RLF: variants seen among roughly 807,000 people sequenced by gnomAD.
RLF encodes the protein zinc finger protein Rlf.
Under a neutral mutation model 162.9 loss-of-function variants are expected in RLF, and 7 were observed. The observed-to-expected ratio is 0.04, with a 90% confidence interval of 0.02 to 0.08. The LOEUF (loss-of-function observed/expected upper bound fraction) is 0.08, where lower values mean the gene tolerates loss of function less well. RLF is among the 10% of genes least tolerant of loss of function. The pLI is 1.00. For synonymous variants in RLF, 782 were observed against 791.5 expected, an observed-to-expected ratio of 0.99 and a Z score of 0.20; for missense variants, 1,664 against 2,244.7, an observed-to-expected ratio of 0.74 and a Z score of 5.23.
intron 1 of RLF, among the ~76,000 whole-genome samples, chr1:40,182,152 C>T (rs569996353): frequency 2.0e-4 from 31 of 152,076 alleles, no homozygotes; most frequent in African/African-American, 7.0e-4. Context: ...AACCCTCAAG[C>T]GGCCGGCATG....
At chr1:40,174,949 C>T (rs1642299525) in intron 1 of RLF, among the ~76,000 whole-genome samples, 1 of 152,138 alleles carries the variant, frequency 6.6e-6, no homozygotes, top group South Asian at 2.1e-4. Context: ...CCTGTAATCC[C>T]AGTGCTTTGG....
chr1:40,239,972 G>C lies in RLF; in HGVS notation c.5270G>C (p.Arg1757Pro), dbSNP rs746223682. 8 of 1,613,490 alleles carry C rather than the reference G, an allele frequency of 5.0e-6. No individual in the cohort carries two copies. Among genetic ancestry groups the C allele is most frequent in the Non-Finnish European group, 6.8e-6 (8 of 1,179,980 alleles). ...KENFRKHSQPRSFDLKTYKPM... is the reference protein window; with the variant it reads ...KENFRKHSQPPSFDLKTYKPM... ...AATTTTAGGAAACATTCACAGCCCC[G>C]GTCATTTGATTTGAAGACTTACAAA... The change falls in exon 8 of 8, where the codon CGG becomes CCG. Residue 1757 changes from arginine (R) to proline (P), a missense_variant. Arg to Pro is a moderately radical substitution (Grantham distance 103). Around this residue, in one of 15 missense-constraint regions of RLF, gnomAD observed 327 missense variants for 342.7 expected, o/e 0.95. Coordinates refer to ENST00000372771, the MANE Select transcript of RLF (RefSeq NM_012421.4).
Position 40,195,753 on chromosome 1 carries a change from A to C in RLF, c.596A>C (p.Glu199Ala), listed in dbSNP as rs1011206426. 1.9e-6 allele frequency: 3 copies of C among 1,613,686 alleles called. No homozygotes were observed. The highest frequency in any genetic ancestry group is 2.5e-6 in the Non-Finnish European group (3 of 1,179,818). Residue 199 changes from glutamate (E) to alanine (A), a missense_variant, in exon 4 of 8, where the codon GAA (glutamate) becomes GCA (alanine). Transcript: ENST00000372771. The part of the protein sequence containing the change: ...LLKILSQQPV[E>A]TEEVNKLIAQ... ...AAAATTCTGTCTCAACAGCCAGTAG[A>C]AACGGAGGAAGGTAAGTCTTAAGAC...
At chr1:40,166,328 A>G (rs1254398818) in intron 1 of RLF, among the ~76,000 whole-genome samples, 2 of 152,038 alleles carry the variant, frequency 1.3e-5, no homozygotes, top group Non-Finnish European at 2.9e-5. Flanking sequence ...GTAAAAAGCA[A>G]ATTAACCATA....
At chr1:40,181,385 G>A (rs945528241) in intron 1 of RLF, among the ~76,000 whole-genome samples, 1 of 152,118 alleles carries the variant, frequency 6.6e-6, no homozygotes, top group African/African-American at 2.4e-5. Flanking sequence ...AGCCGAGATG[G>A]CACCACCGCA....
chr1:40,161,785 G>A lies in RLF; in HGVS notation c.237+149G>A. 1 of 1,163,202 alleles carries A rather than the reference G, an allele frequency of 8.6e-7. No individual in the cohort carries two copies. Among genetic ancestry groups the A allele is most frequent in the South Asian group, 1.5e-5 (1 of 66,066 alleles). 72.1% of individuals were successfully genotyped at this position (1,163,202 alleles called of 1,614,324 possible). A position where few individuals can be genotyped will look rare whatever the true frequency, so the allele number is the denominator to read the frequency against. On this transcript the variant is annotated intron_variant, in intron 1 of 7. Transcript: ENST00000372771. This position sits in a 1 kb window ranked among gnomAD's most constrained non-coding sequence, Gnocchi z 4.4. ...CGGGCCGGGAAGGCCCAGCTCGGAAGCTCGACCGCTGGCCCCCCTGCGCCA... is the reference window on the plus strand; with the variant it reads ...CGGGCCGGGAAGGCCCAGCTCGGAAACTCGACCGCTGGCCCCCCTGCGCCA...
chr1:40,220,113 A>G (rs1333653497), intron 5 of RLF, among the ~76,000 whole-genome samples: 1 of 152,132 alleles, frequency 6.6e-6, no homozygotes, highest in Non-Finnish European at 1.5e-5. Flanking sequence ...TAGTAATCCC[A>G]GCTACTCGGG....
intron 5 of RLF, among the ~76,000 whole-genome samples, chr1:40,216,380 C>G (rs998139665): frequency 4.0e-5 from 6 of 151,808 alleles, no homozygotes; most frequent in Non-Finnish European, 1.5e-5. Context: ...CCCAGCTACT[C>G]AGGAGGCTGA....
In RLF at chr1:40,189,122, G is replaced by T. The variant is rs373074955; in HGVS notation, c.305G>T (p.Arg102Leu). The T allele has an allele frequency of 6.2e-7, 1 of 1,613,442 alleles. No individual in the cohort carries two copies. The change falls in exon 2 of 8, where the codon CGA becomes CTA. Residue 102 changes from arginine to leucine, a missense_variant. Arg to Leu is a moderately radical substitution (Grantham distance 102). Transcript: ENST00000372771. ...EHIVYLLEVY[R>L]LAIQSFASAR... The stretch of plus-strand genomic sequence containing the variant: ...ATTGTGTATCTTCTGGAGGTATATC[G>T]ACTTGCCATCCAAAGCTTTGCCAGT...
In RLF at chr1:40,232,966, A is replaced by G. The variant is rs556551447; in HGVS notation, c.1089+1308A>G. On this transcript the variant is annotated intron_variant, in intron 7 of 7. Coordinates refer to ENST00000372771, the MANE Select transcript of RLF (RefSeq NM_012421.4). The stretch of plus-strand genomic sequence containing the variant: ...TGGCCTCAAGCAATTCTCCCACCTC[A>G]GCCTTCCAAAGTGCTGGGATTATAG... Among the ~76,000 whole-genome samples the G allele has an allele frequency of 1.0e-3, 159 of 151,914 alleles. 2 individuals are homozygous for G. Among genetic ancestry groups the G allele is most frequent in the East Asian group, 1.4e-3 (7 of 5,172 alleles).
intron 6 of RLF, among the ~76,000 whole-genome samples, chr1:40,224,593 T>C (rs1466536555): frequency 1.4e-5 from 2 of 147,604 alleles, no homozygotes; most frequent in Admixed American, 1.4e-4. Context: ...TTTTTTTTTT[T>C]TTTTTTTCCC....
At chr1:40,229,508 G>A (rs1243216799) in intron 6 of RLF, among the ~76,000 whole-genome samples, 3 of 136,060 alleles carry the variant, frequency 2.2e-5, no homozygotes, top group Admixed American at 7.9e-5. Flanking sequence ...AGGCTGGAGC[G>A]CAGTGGTGCA....
At chr1:40,185,055 A>C (rs1159319557) in intron 1 of RLF, among the ~76,000 whole-genome samples, 3 of 152,092 alleles carry the variant, frequency 2.0e-5, no homozygotes, top group African/African-American at 7.2e-5. Context: ...CTGGGCAGCA[A>C]AGAGACCCTG....
chr1:40,218,504 A>G (rs1642954213), intron 5 of RLF, among the ~76,000 whole-genome samples: 1 of 152,186 alleles, frequency 6.6e-6, no homozygotes, highest in Non-Finnish European at 1.5e-5. Context: ...CAGCTACGTG[A>G]CATCACGCAT....
At chr1:40,184,780 A>T (rs1642451495) in intron 1 of RLF, among the ~76,000 whole-genome samples, 1 of 152,176 alleles carries the variant, frequency 6.6e-6, no homozygotes. Flanking sequence ...CTCCATCCTT[A>T]CTTCCCAGCA....
rs760571269 is a variant in RLF, at chr1:40,236,694, C to G, written c.1992C>G (p.His664Gln). ...CATTCAGCAAATTAGAAGATTGCCACCTGCAAGACAGAGATTTGTATCCAT... is the reference window on the plus strand; with the variant it reads ...CATTCAGCAAATTAGAAGATTGCCAGCTGCAAGACAGAGATTTGTATCCAT... ...YVTFSKLEDC[H>Q]LQDRDLYPCP... The change falls in exon 8 of 8, where the codon CAC (histidine) becomes CAG (glutamine). Residue 664 changes from histidine (H) to glutamine (Q), a missense_variant. His to Gln is a conservative substitution (Grantham distance 24). Coordinates refer to ENST00000372771, the MANE Select transcript of RLF (RefSeq NM_012421.4). The surrounding 1 kb of genome is among the most constrained non-coding windows in gnomAD (Gnocchi z 7.7). 2 of 1,614,046 alleles carry G rather than the reference C, an allele frequency of 1.2e-6. No individual in the cohort carries two copies. The highest frequency in any genetic ancestry group is 1.3e-5 in the African/African-American group (1 of 75,030).
chr1:40,174,244 G>A (rs562439045), intron 1 of RLF, among the ~76,000 whole-genome samples: 6 of 152,196 alleles, frequency 3.9e-5, no homozygotes, highest in South Asian at 4.2e-4. Context: ...AGTGGCAGGC[G>A]CCTGTAATCC....
intron 5 of RLF, 41 bp downstream of exon 5, chr1:40,202,655 T>A: frequency 8.6e-7 from 1 of 1,163,132 alleles, no homozygotes; most frequent in Non-Finnish European, 1.2e-6. Context: ...GGTATTAATT[T>A]AATAGATTTA....
chr1:40,225,234 A>C (rs1488977725), intron 6 of RLF, among the ~76,000 whole-genome samples: 1 of 152,190 alleles, frequency 6.6e-6, no homozygotes, highest in Non-Finnish European at 1.5e-5. Flanking sequence ...ATGTCTTGGG[A>C]GTATCATTCT....
Sources: gnomAD v4.1 joint callset for allele counts (sites outside exome capture counted in the v4.1 genomes callset) on GRCh38, gnomAD v4.1.1 for gene constraint, gnomAD v4.1.1 regional missense constraint, Gnocchi (gnomAD v3.1) non-coding constraint, MANE v1.5 for transcripts, NCBI Gene and HGNC (gene_info 2026-07-23, HGNC 2026-07-21) for gene names.